LUZP2: variants seen among roughly 807,000 people sequenced by gnomAD.
LUZP2 encodes the protein leucine zipper protein 2.
LUZP2 carries 52 observed loss-of-function variants against 51.6 expected under a neutral mutation model. That is an observed-to-expected ratio of 1.01 (90% CI 0.81 to 1.27). The LOEUF (loss-of-function observed/expected upper bound fraction) is 1.27. LUZP2 is among the 50% of genes most tolerant of loss of function. The pLI is 0.00. For synonymous variants in LUZP2, 154 were observed against 137.3 expected, an observed-to-expected ratio of 1.12 and a Z score of -0.85; for missense variants, 436 against 395.4, an observed-to-expected ratio of 1.10 and a Z score of -0.87.
chr11:24,851,380 G>T (rs1378596173), intron 5 of LUZP2, among the ~76,000 whole-genome samples: 1 of 152,122 alleles, frequency 6.6e-6, no homozygotes, highest in African/African-American at 2.4e-5. Context: ...TCTGTCATTG[G>T]TTCTGTTTAT....
intron 4 of LUZP2, among the ~76,000 whole-genome samples, chr11:24,741,968 ATATACATTTATATATTATATATAAATG>A (rs1859184164): frequency 8.7e-5 from 3 of 34,292 alleles, no homozygotes; most frequent in East Asian, 3.1e-3. Context: ...ATATATAAAT[ATATACATTTATATATTATATATAAATG>A]TATATATTAT....
At chr11:24,944,855 C>A (rs1252777340) in intron 7 of LUZP2, among the ~76,000 whole-genome samples, 3 of 152,248 alleles carry the variant, frequency 2.0e-5, no homozygotes, top group African/African-American at 7.2e-5. Context: ...CCTTCTGTTG[C>A]AGGATAAAGG....
intron 7 of LUZP2, among the ~76,000 whole-genome samples, chr11:24,948,279 GACA>G (rs1854954818): frequency 6.6e-6 from 1 of 151,138 alleles, no homozygotes; most frequent in African/African-American, 2.4e-5. Context: ...TTTCAGTAAT[GACA>G]ACTTCTTTAT....
intron 1 of LUZP2, among the ~76,000 whole-genome samples, chr11:24,728,329 C>CAG (rs1858569629): frequency 6.6e-6 from 1 of 151,834 alleles, no homozygotes; most frequent in Non-Finnish European, 1.5e-5. Flanking sequence ...CACACACACA[C>CAG]AGTTACACAT....
intron 5 of LUZP2, among the ~76,000 whole-genome samples, chr11:24,838,484 T>A (rs1330081172): frequency 1.3e-5 from 2 of 151,672 alleles, no homozygotes; most frequent in Non-Finnish European, 3.0e-5. Context: ...TGCACTTTTC[T>A]CTCTGCATAT....
At chr11:24,659,945 G>A (rs930257334) in intron 1 of LUZP2, among the ~76,000 whole-genome samples, 1 of 152,076 alleles carries the variant, frequency 6.6e-6, no homozygotes, top group Non-Finnish European at 1.5e-5. Context: ...AAGGTGAGAG[G>A]GAGTTTTGCA....
At chr11:25,012,628 A>G (rs1215619413) in intron 9 of LUZP2, among the ~76,000 whole-genome samples, 3 of 152,164 alleles carry the variant, frequency 2.0e-5, no homozygotes, top group Non-Finnish European at 4.4e-5. Context: ...AATGCTCAAC[A>G]TTATTAATGA....
intron 1 of LUZP2, among the ~76,000 whole-genome samples, chr11:24,660,171 A>G (rs1443632376): frequency 2.0e-5 from 3 of 152,184 alleles, no homozygotes; most frequent in Non-Finnish European, 4.4e-5. Context: ...TTGGAAGAGG[A>G]TCCAGAGGAA....
chr11:24,779,928 A>G (rs1480466019), intron 5 of LUZP2, among the ~76,000 whole-genome samples: 2 of 152,124 alleles, frequency 1.3e-5, no homozygotes, highest in South Asian at 4.1e-4. Flanking sequence ...GTGGGCTGAA[A>G]TCCAAGGAAT....
intron 4 of LUZP2, among the ~76,000 whole-genome samples, chr11:24,740,315 G>A (rs192459839): frequency 6.6e-6 from 1 of 152,240 alleles, no homozygotes; most frequent in East Asian, 1.9e-4. Context: ...TTTTGAAAGA[G>A]CACAAACCAA....
At chr11:24,797,631 A>G (rs757525828) in intron 5 of LUZP2, among the ~76,000 whole-genome samples, 2 of 152,124 alleles carry the variant, frequency 1.3e-5, no homozygotes, top group African/African-American at 2.4e-5. Context: ...TAGAAATGCT[A>G]CTGTAGTAGA....
chr11:24,517,959 A>G, intron 1 of LUZP2, among the ~76,000 whole-genome samples: 1 of 152,162 alleles, frequency 6.6e-6, no homozygotes, highest in East Asian at 1.9e-4. Flanking sequence ...TTAAAATGAC[A>G]TATTCCAGGG....
chr11:24,840,611 A>T, intron 5 of LUZP2, among the ~76,000 whole-genome samples: 1 of 151,908 alleles, frequency 6.6e-6, no homozygotes, highest in East Asian at 1.9e-4. Context: ...AGCTCTACTG[A>T]AAAAGTGAAT....
intron 1 of LUZP2, among the ~76,000 whole-genome samples, chr11:24,602,083 T>TATATATGC (rs1338887019): frequency 6.0e-4 from 74 of 124,320 alleles, no homozygotes; most frequent in African/African-American, 2.4e-3. Flanking sequence ...CGTATATATG[T>TATATATGC]GTATATATGT....
chr11:24,739,421 G>A (rs1212431881), intron 4 of LUZP2, among the ~76,000 whole-genome samples: 1 of 152,048 alleles, frequency 6.6e-6, no homozygotes, highest in Admixed American at 6.6e-5. Flanking sequence ...TTTGAAAAGT[G>A]TGTCTCTGGG....
intron 1 of LUZP2, among the ~76,000 whole-genome samples, chr11:24,584,769 A>G (rs1183393649): frequency 1.3e-5 from 2 of 152,146 alleles, no homozygotes; most frequent in Non-Finnish European, 2.9e-5. Flanking sequence ...AACAAGTACA[A>G]CTTCTAAGGA....
intron 5 of LUZP2, among the ~76,000 whole-genome samples, chr11:24,866,755 A>G (rs540074040): frequency 6.8e-4 from 104 of 152,326 alleles, no homozygotes; most frequent in Non-Finnish European, 1.2e-3. Context: ...GAAAGACTTC[A>G]TAGAAATTGT....
chr11:24,953,965 A>G (rs1310059539), intron 7 of LUZP2, among the ~76,000 whole-genome samples: 1 of 152,080 alleles, frequency 6.6e-6, no homozygotes, highest in East Asian at 1.9e-4. Context: ...ATACAAATAA[A>G]TGGTTCAACT....
chr11:24,988,271 T>G (rs1426444827), intron 9 of LUZP2, among the ~76,000 whole-genome samples: 1 of 152,010 alleles, frequency 6.6e-6, no homozygotes, highest in Non-Finnish European at 1.5e-5. Context: ...AGCCAATATT[T>G]CCTTTTCAAC....
Sources: gnomAD v4.1 joint callset for allele counts (sites outside exome capture counted in the v4.1 genomes callset) on GRCh38, gnomAD v4.1.1 for gene constraint, MANE v1.5 for transcripts, NCBI Gene and HGNC (gene_info 2026-07-23, HGNC 2026-07-21) for gene names.